The following MRE11 variants were observed in gnomAD, a reference collection of about 807,000 sequenced individuals.
MRE11 encodes double-strand break repair protein MRE11.
In MRE11, 62 loss-of-function variants were observed where a neutral mutation model predicts 91.7. The observed-to-expected ratio is 0.68, with a 90% CI of 0.55 to 0.84. MRE11 has a LOEUF of 0.84. Among genes scored for constraint, MRE11 ranks in the 40% least tolerant of loss-of-function variants. MRE11 has a pLI of 0.00. For missense variants in MRE11, 796 were observed against 852.9 expected, an observed-to-expected ratio of 0.93 and a Z score of 0.83; for synonymous variants, 273 against 271.4, an observed-to-expected ratio of 1.01 and a Z score of -0.06.
At chr11:94,509,512 A>G in the MRE11 span, among the ~76,000 whole-genome samples, 756 of 152,032 alleles carry the variant, frequency 5.0e-3, 6 homozygotes, top group African/African-American at 0.017. Flanking sequence ...ATGCGATCTC[A>G]GCTCACTGCA....
intron 4 of MRE11, among the ~76,000 whole-genome samples, chr11:94,484,162 T>C (rs893468438): frequency 4.6e-5 from 7 of 152,174 alleles, no homozygotes; most frequent in African/African-American, 1.7e-4. Flanking sequence ...GCTGGAACAA[T>C]TTAAGCCACA....
the MRE11 span, among the ~76,000 whole-genome samples, chr11:94,506,344 C>A: frequency 6.6e-6 from 1 of 151,800 alleles, no homozygotes; most frequent in Non-Finnish European, 1.5e-5. Context: ...AAAATGGAAA[C>A]CACAGTGCAT....
At chr11:94,441,977 CAAAAAAAA>C (rs35673778) in intron 16 of MRE11, among the ~76,000 whole-genome samples, 2 of 48,224 alleles carry the variant, frequency 4.1e-5, no homozygotes, top group African/African-American at 1.5e-4. Flanking sequence ...GACTCTGTCT[CAAAAAAAA>C]AAAAAAAAAA....
At chr11:94,439,296 C>A (rs1945711932) in intron 16 of MRE11, among the ~76,000 whole-genome samples, 1 of 151,834 alleles carries the variant, frequency 6.6e-6, no homozygotes, top group South Asian at 2.1e-4. Context: ...AAAAACCCAC[C>A]AAATCCAACC....
chr11:94,472,774 G>A (rs1055063197), intron 7 of MRE11: 1 of 152,036 alleles, frequency 6.6e-6, no homozygotes, highest in Non-Finnish European at 1.5e-5. Flanking sequence ...GTTTAGACTT[G>A]GGTTCCATCC....
chr11:94,459,571 AG>A lies in MRE11; in HGVS notation c.1336del (p.Leu446SerfsTer4), dbSNP rs786203682. On this transcript the variant is annotated frameshift_variant, in exon 13 of 20. Transcript: ENST00000323929. LOFTEE classifies it high-confidence loss of function. Reference sequence around the variant, plus strand: ...CATCCCTCTTTCTGTTAGCAGTGAGAGCTGCACATTCTGTAAGATACAAATC... The same window carrying A: ...CATCCCTCTTTCTGTTAGCAGTGAGACTGCACATTCTGTAAGATACAAATC... ...YFQTAEKNVQ[L>X]SLLTERGMGE... The A allele has an allele frequency of 6.8e-6, 11 of 1,613,896 alleles. No homozygotes were observed. The highest frequency in any genetic ancestry group is 9.3e-6 in the Non-Finnish European group (11 of 1,179,814).
At chr11:94,494,938 A>C (rs889733355), upstream of MRE11, among the ~76,000 whole-genome samples, 1 of 152,216 alleles carries the variant, frequency 6.6e-6, no homozygotes, top group African/African-American at 2.4e-5. Context: ...AATTAGTTTG[A>C]GAATCAAAGA....
At chr11:94,483,447 G>A (rs937461162) in intron 4 of MRE11, among the ~76,000 whole-genome samples, 1 of 152,166 alleles carries the variant, frequency 6.6e-6, no homozygotes, top group African/African-American at 2.4e-5. Flanking sequence ...ATGGGGGCAG[G>A]CCTTTCCTGT....
chr11:94,489,565 G>T (rs1947232268), intron 3 of MRE11, among the ~76,000 whole-genome samples: 1 of 119,452 alleles, frequency 8.4e-6, no homozygotes, highest in African/African-American at 3.6e-5. Flanking sequence ...CCTCCTGCAG[G>T]CCATGTGAAA....
chr11:94,447,583 C>T (rs1302946640), intron 14 of MRE11, 145 bp from the exon 15 acceptor site: 8 of 782,298 alleles, frequency 1.0e-5, no homozygotes, highest in African/African-American at 3.6e-5. Context: ...AATCTCAGCA[C>T]TTTGGGAGGC....
rs1591674983 is a variant in MRE11 at position 94,461,006 on chromosome 11, G to C, written c.1256C>G (p.Thr419Arg). The C allele has an allele frequency of 6.2e-7, 1 of 1,613,568 alleles. No homozygotes were observed. The highest frequency in any genetic ancestry group is 8.5e-7 in the Non-Finnish European group (1 of 1,179,922). The change falls in exon 12 of 20, where the codon ACA becomes AGA. Residue 419 changes from threonine to arginine, a missense_variant. By Grantham distance (71) the Thr-to-Arg change is moderately conservative (BLOSUM62 -1). Transcript: ENST00000323929. ...GEEINFGKLI[T>R]KPSEGTTLRV... is the part of the protein sequence containing the mutation. ...TAAAGTTGTTCCTTCTGAAGGCTTTGTGATAAGTTTCCCAAAGTTGATCTC... is the reference window on the plus strand; with the variant it reads ...TAAAGTTGTTCCTTCTGAAGGCTTTCTGATAAGTTTCCCAAAGTTGATCTC...
intron 6 of MRE11, among the ~76,000 whole-genome samples, chr11:94,478,116 G>C (rs946265816): frequency 4.6e-5 from 7 of 152,116 alleles, no homozygotes; most frequent in Admixed American, 4.6e-4. Flanking sequence ...ATAAGAGTTT[G>C]GGAGAAAATG....
chr11:94,493,038 G>A, intron 1 of MRE11, 132 bp from the exon 2 acceptor site: 1 of 560,080 alleles, frequency 1.8e-6, no homozygotes, highest in Admixed American at 3.3e-5. Flanking sequence ...TTTCATCTAA[G>A]CACCCACTAT....
At chr11:94,508,709 C>T in the MRE11 span, among the ~76,000 whole-genome samples, 15 of 150,904 alleles carry the variant, frequency 9.9e-5, no homozygotes, top group East Asian at 2.3e-3. Flanking sequence ...GATATTCCAA[C>T]TTCTTTCTTA....
chr11:94,485,171 T>C (rs1947107820), intron 4 of MRE11, among the ~76,000 whole-genome samples: 1 of 152,036 alleles, frequency 6.6e-6, no homozygotes, highest in African/African-American at 2.4e-5. Context: ...GGAGAATTGC[T>C]TGAACCCAGG....
At chr11:94,488,935 C>A (rs1947213819) in intron 3 of MRE11, among the ~76,000 whole-genome samples, 1 of 151,900 alleles carries the variant, frequency 6.6e-6, no homozygotes, top group African/African-American at 2.4e-5. Context: ...TACCCCTGAA[C>A]CTAAAATAAA....
At chr11:94,506,865 T>G in the MRE11 span, among the ~76,000 whole-genome samples, 1 of 152,142 alleles carries the variant, frequency 6.6e-6, no homozygotes, top group Non-Finnish European at 1.5e-5. Flanking sequence ...GCTGGGATTA[T>G]AGGTGTGAGC....
intron 7 of MRE11, chr11:94,475,704 T>C: frequency 2.2e-6 from 1 of 448,176 alleles, no homozygotes; most frequent in East Asian, 7.0e-5. Flanking sequence ...AACACTTGCA[T>C]ATATGTAGCA....
chr11:94,480,594 A>C (rs539449868), intron 4 of MRE11, among the ~76,000 whole-genome samples: 12 of 152,372 alleles, frequency 7.9e-5, no homozygotes, highest in African/African-American at 2.6e-4. Flanking sequence ...CTGTAAAGGA[A>C]TACCTGGAAG....
Sources: allele counts gnomAD v4.1 joint callset (sites outside exome capture counted in the v4.1 genomes callset), GRCh38; gene constraint gnomAD v4.1.1; transcripts MANE v1.5; gene names NCBI Gene and HGNC (gene_info 2026-07-23, HGNC 2026-07-21).